SGCD: variants seen among roughly 807,000 people sequenced by gnomAD.
SGCD encodes delta-sarcoglycan.
Under a neutral mutation model 36.6 loss-of-function variants are expected in SGCD, and 18 were observed. The observed-to-expected ratio is 0.49, with a 90% CI of 0.34 to 0.73. The LOEUF (loss-of-function observed/expected upper bound fraction) is 0.73, where lower values mean the gene tolerates loss of function less well. Among genes scored for constraint, SGCD ranks in the 30% least tolerant of loss-of-function variants. SGCD has a pLI of 0.01. For missense variants in SGCD, 387 were observed against 346.7 expected (o/e 1.12, Z -0.92); for synonymous variants, 133 against 130.6 (o/e 1.02, Z -0.12).
At chr5:156,139,008 C>T (rs1762518390) in intron 3 of SGCD, among the ~76,000 whole-genome samples, 1 of 152,032 alleles carries the variant, frequency 6.6e-6, no homozygotes, top group Non-Finnish European at 1.5e-5. Flanking sequence ...AGTCTTTTGC[C>T]CAATTTTTAT....
chr5:156,626,749 A>T (rs995396183), intron 6 of SGCD, among the ~76,000 whole-genome samples: 14 of 151,854 alleles, frequency 9.2e-5, no homozygotes, highest in Admixed American at 2.6e-4. Flanking sequence ...TATACTCTAC[A>T]TTCACCCCAT....
intron 6 of SGCD, among the ~76,000 whole-genome samples, chr5:156,612,565 A>T (rs1401417290): frequency 6.6e-6 from 1 of 152,156 alleles, no homozygotes; most frequent in Non-Finnish European, 1.5e-5. Flanking sequence ...GCTGTGTGTC[A>T]CCTTCCCCAC....
intron 1 of SGCD, among the ~76,000 whole-genome samples, chr5:156,083,311 T>G (rs1375326946): frequency 1.3e-5 from 2 of 152,010 alleles, no homozygotes; most frequent in Non-Finnish European, 2.9e-5. Context: ...TTTTTTTCTT[T>G]TTTTTGGAGT....
At chr5:156,698,220 C>T (rs1754394131) in intron 7 of SGCD, among the ~76,000 whole-genome samples, 1 of 152,092 alleles carries the variant, frequency 6.6e-6, no homozygotes, top group Admixed American at 6.6e-5. Flanking sequence ...TGGAATGACC[C>T]ACACTTTCTA....
chr5:156,127,884 A>C (rs1581116130), intron 3 of SGCD, among the ~76,000 whole-genome samples: 4 of 139,180 alleles, frequency 2.9e-5, no homozygotes, highest in East Asian at 2.1e-4. Flanking sequence ...AAAAAAACCC[A>C]CCAGAGATCT....
At chr5:156,168,022 T>A (rs902694194) in intron 3 of SGCD, among the ~76,000 whole-genome samples, 1 of 152,188 alleles carries the variant, frequency 6.6e-6, no homozygotes, top group Non-Finnish European at 1.5e-5. Flanking sequence ...TGGCTTAAAC[T>A]TTCTGTGCCT....
intron 1 of SGCD, among the ~76,000 whole-genome samples, chr5:155,984,089 C>T (rs1758281439): frequency 6.6e-6 from 1 of 152,198 alleles, no homozygotes; most frequent in Non-Finnish European, 1.5e-5. Flanking sequence ...TTGGCTTAAT[C>T]ATAACCATGA....
At chr5:156,277,108 A>G (rs1478088276) in intron 3 of SGCD, among the ~76,000 whole-genome samples, 1 of 152,210 alleles carries the variant, frequency 6.6e-6, no homozygotes, top group African/African-American at 2.4e-5. Context: ...TCTAATTCCA[A>G]GATTTAATAT....
At chr5:156,354,534 C>A (rs1395747182) in intron 3 of SGCD, among the ~76,000 whole-genome samples, 1 of 152,130 alleles carries the variant, frequency 6.6e-6, no homozygotes, top group Non-Finnish European at 1.5e-5. Flanking sequence ...TATTCGTGAC[C>A]TTTTCCACTT....
At chr5:156,179,660 TG>T (rs1170357291) in intron 3 of SGCD, among the ~76,000 whole-genome samples, 1 of 151,108 alleles carries the variant, frequency 6.6e-6, no homozygotes, top group Non-Finnish European at 1.5e-5. Context: ...CTCACTCTAT[TG>T]CCCAGGCTGG....
the SGCD span, among the ~76,000 whole-genome samples, chr5:155,758,472 G>A: frequency 9.2e-5 from 14 of 152,262 alleles, no homozygotes; most frequent in East Asian, 3.9e-4. Context: ...GTGTAGTTTC[G>A]CATTTCATGT....
chr5:156,385,275 T>A (rs1317794024), intron 3 of SGCD, among the ~76,000 whole-genome samples: 1 of 152,216 alleles, frequency 6.6e-6, no homozygotes, highest in Admixed American at 6.5e-5. Context: ...CCCCCTAAAT[T>A]TAAAGTCTAG....
chr5:156,728,416 C>A (rs1335879815), intron 7 of SGCD, among the ~76,000 whole-genome samples: 1 of 137,896 alleles, frequency 7.3e-6, no homozygotes, highest in Non-Finnish European at 1.5e-5. Context: ...GAGGCTGAGG[C>A]AGGAGAATTA....
intron 6 of SGCD, among the ~76,000 whole-genome samples, chr5:156,609,240 G>A (rs1487287838): frequency 1.3e-5 from 2 of 151,906 alleles, no homozygotes; most frequent in Admixed American, 1.3e-4. Context: ...GGCAGGCCTG[G>A]TGGTGACAAA....
intron 7 of SGCD, among the ~76,000 whole-genome samples, chr5:156,702,633 T>G (rs1335579016): frequency 6.6e-6 from 1 of 152,188 alleles, no homozygotes; most frequent in Non-Finnish European, 1.5e-5. Flanking sequence ...CTTTTTCTTA[T>G]GTGGCAATAG....
At chr5:156,362,745 A>G (rs576716521) in intron 3 of SGCD, among the ~76,000 whole-genome samples, 173 of 152,312 alleles carry the variant, frequency 1.1e-3, no homozygotes, top group Non-Finnish European at 2.0e-3. Flanking sequence ...TTTTCCAATA[A>G]GGGATACTTG....
chr5:156,512,396 T>C (rs879863951), intron 4 of SGCD, among the ~76,000 whole-genome samples: 46 of 152,078 alleles, frequency 3.0e-4, no homozygotes, highest in Non-Finnish European at 6.0e-4. Flanking sequence ...TTGCCTACAA[T>C]ATTCAGTGCA....
At chr5:156,310,204 T>G (rs985848909) in intron 3 of SGCD, among the ~76,000 whole-genome samples, 1 of 152,202 alleles carries the variant, frequency 6.6e-6, no homozygotes, top group Admixed American at 6.5e-5. Flanking sequence ...TCTTTAATGC[T>G]TGACTCCCAA....
chr5:156,203,732 C>A (rs1764204816), intron 3 of SGCD, among the ~76,000 whole-genome samples: 1 of 152,038 alleles, frequency 6.6e-6, no homozygotes, highest in Non-Finnish European at 1.5e-5. Flanking sequence ...TCTGAAAAGG[C>A]CAACTGCTGA....
Sources: allele counts gnomAD v4.1 joint callset (sites outside exome capture counted in the v4.1 genomes callset), GRCh38; gene constraint gnomAD v4.1.1; transcripts MANE v1.5; gene names NCBI Gene and HGNC (gene_info 2026-07-23, HGNC 2026-07-21).